CSMD1: variants seen among roughly 807,000 people sequenced by gnomAD.
The protein encoded by CSMD1 is CUB and Sushi multiple domains 1.
Under a neutral mutation model 417.5 loss-of-function variants are expected in CSMD1, and 213 were observed. The ratio of observed to expected loss-of-function variants is 0.51; its 90% CI spans 0.46 to 0.57. CSMD1 has a LOEUF of 0.57. Ranked by LOEUF, CSMD1 falls within the 20% of genes least tolerant of loss-of-function variation. CSMD1 has a pLI of 0.00. For synonymous variants in CSMD1, 2,862 were observed against 1,736.8 expected, an observed-to-expected ratio of 1.65 and a Z score of -16.11; for missense variants, 6,923 against 4,529.7, an observed-to-expected ratio of 1.53 and a Z score of -15.17.
intron 3 of CSMD1, among the ~76,000 whole-genome samples, chr8:4,103,099 A>C (rs1318563911): frequency 6.6e-6 from 1 of 152,132 alleles, no homozygotes; most frequent in African/African-American, 2.4e-5. Context: ...ACAGTTCTAT[A>C]AAGTGGATTC....
intron 1 of CSMD1, among the ~76,000 whole-genome samples, chr8:4,816,288 G>T (rs113484686): frequency 6.6e-6 from 1 of 151,994 alleles, no homozygotes; most frequent in East Asian, 1.9e-4. Context: ...GGGTTCAAGG[G>T]ATTCTCCTGC....
At chr8:3,166,399 T>G (rs542239875) in intron 37 of CSMD1, among the ~76,000 whole-genome samples, 5 of 152,000 alleles carry the variant, frequency 3.3e-5, no homozygotes, top group Admixed American at 3.3e-4. Flanking sequence ...CCGGGCGTGG[T>G]GGTGTGCACC....
chr8:3,021,537 A>G (rs1275539957), intron 51 of CSMD1, among the ~76,000 whole-genome samples: 3 of 152,208 alleles, frequency 2.0e-5, no homozygotes, highest in African/African-American at 7.2e-5. Context: ...ATTTCATTAA[A>G]AGTGTGTCCA....
chr8:4,185,031 T>A (rs1325219551), intron 3 of CSMD1, among the ~76,000 whole-genome samples: 1 of 147,892 alleles, frequency 6.8e-6, no homozygotes, highest in East Asian at 2.0e-4. Context: ...CCCAGCTACT[T>A]GGGAGGCTGA....
intron 1 of CSMD1, among the ~76,000 whole-genome samples, chr8:4,794,320 C>G (rs1364917363): frequency 2.0e-5 from 3 of 152,172 alleles, no homozygotes; most frequent in African/African-American, 7.2e-5. Context: ...AAGAAGGTCT[C>G]TGCATTTCCT....
chr8:3,708,270 C>G, intron 7 of CSMD1, 144 bp downstream of exon 7: 1 of 664,120 alleles, frequency 1.5e-6, no homozygotes, highest in South Asian at 1.9e-5. Context: ...CATGTTCTTT[C>G]TCCCAGAAAA....
intron 6 of CSMD1, among the ~76,000 whole-genome samples, chr8:3,752,596 G>A (rs746711830): frequency 2.1e-5 from 3 of 144,588 alleles, no homozygotes; most frequent in African/African-American, 5.1e-5. Flanking sequence ...GGAGGTTGCA[G>A]TGAGGCAAGA....
chr8:4,633,918 C>G (rs2616994), intron 2 of CSMD1, among the ~76,000 whole-genome samples: 109,142 of 151,442 alleles, frequency 0.72, 39,620 homozygotes, highest in Admixed American at 0.81. Context: ...TTGGACCTTA[C>G]TGGAGACTGG....
intron 7 of CSMD1, chr8:3,700,776 A>G (rs1465291675): frequency 6.6e-6 from 1 of 152,346 alleles, no homozygotes; most frequent in African/African-American, 2.4e-5. Context: ...AGAAACCAAG[A>G]GGACCAGGAT....
chr8:4,475,241 T>C (rs1033870583), intron 2 of CSMD1, among the ~76,000 whole-genome samples: 1 of 152,196 alleles, frequency 6.6e-6, no homozygotes. Flanking sequence ...TGTTTATCTA[T>C]TTCCTCCCTC....
At chr8:3,462,216 C>T (rs1008772337) in intron 12 of CSMD1, among the ~76,000 whole-genome samples, 17 of 152,266 alleles carry the variant, frequency 1.1e-4, no homozygotes, top group African/African-American at 3.9e-4. Context: ...CTGGGGGCCA[C>T]CCATGTCAAT....
chr8:4,044,760 A>T (rs1339143893), intron 3 of CSMD1, among the ~76,000 whole-genome samples: 1 of 149,892 alleles, frequency 6.7e-6, no homozygotes, highest in East Asian at 1.9e-4. Flanking sequence ...CACCCTGGCC[A>T]CATAGCACCC....
chr8:4,059,745 A>C (rs527501650), intron 3 of CSMD1, among the ~76,000 whole-genome samples: 1 of 152,244 alleles, frequency 6.6e-6, no homozygotes, highest in African/African-American at 2.4e-5. Context: ...TAAACCAGGA[A>C]GAAGTTGAAT....
chr8:4,802,446 C>T (rs1321381577), intron 1 of CSMD1, among the ~76,000 whole-genome samples: 3 of 152,072 alleles, frequency 2.0e-5, no homozygotes, highest in Non-Finnish European at 4.4e-5. Flanking sequence ...TGTGTGCCAT[C>T]TCACAGTGGA....
chr8:4,909,217 G>C (rs989397529), intron 1 of CSMD1, among the ~76,000 whole-genome samples: 2 of 152,184 alleles, frequency 1.3e-5, no homozygotes, highest in Admixed American at 6.5e-5. Context: ...CTGTGGTAGT[G>C]AGGGATGGTA....
At chr8:3,639,857 C>G (rs1797221778) in intron 7 of CSMD1, among the ~76,000 whole-genome samples, 1 of 152,100 alleles carries the variant, frequency 6.6e-6, no homozygotes, top group Non-Finnish European at 1.5e-5. Context: ...ATTTTATCAG[C>G]TGGAAAAATA....
At chr8:3,416,982 G>C (rs901540475) in intron 12 of CSMD1, among the ~76,000 whole-genome samples, 2 of 152,172 alleles carry the variant, frequency 1.3e-5, no homozygotes, top group Admixed American at 1.3e-4. Context: ...AATCTCAATA[G>C]ATGACTATTG....
At chr8:3,343,537 G>T (rs1463611512) in intron 22 of CSMD1, 87 bp from the exon 23 acceptor site, 3 of 1,215,156 alleles carry the variant, frequency 2.5e-6, no homozygotes, top group Non-Finnish European at 2.3e-6. Context: ...AATCTTCAAA[G>T]ATGCAGTTTT....
intron 26 of CSMD1, among the ~76,000 whole-genome samples, chr8:3,245,986 T>C (rs762825790): frequency 9.2e-5 from 14 of 152,224 alleles, no homozygotes; most frequent in Non-Finnish European, 1.5e-4. Flanking sequence ...GAGGTTTTTC[T>C]GGGTAGGCAG....
Sources: allele counts gnomAD v4.1 joint callset (sites outside exome capture counted in the v4.1 genomes callset), GRCh38; gene constraint gnomAD v4.1.1; transcripts MANE v1.5; gene names NCBI Gene and HGNC (gene_info 2026-07-23, HGNC 2026-07-21).